Variants in ANKRD44 observed in about 807,000 individuals in gnomAD.
ANKRD44 encodes serine/threonine-protein phosphatase 6 regulatory ankyrin repeat subunit B.
In ANKRD44, 35 loss-of-function variants were observed where a neutral mutation model predicts 116.0. The ratio of observed to expected loss-of-function variants is 0.30; its 90% CI spans 0.23 to 0.40. The LOEUF is 0.40. Among genes scored for constraint, ANKRD44 ranks in the 10% least tolerant of loss-of-function variants. ANKRD44 has a pLI of 1.00. For synonymous variants in ANKRD44, 435 were observed against 461.8 expected (o/e 0.94, Z 0.74); for missense variants, 1,014 against 1,242.6 (o/e 0.82, Z 2.77).
intron 2 of ANKRD44, among the ~76,000 whole-genome samples, chr2:197,158,552 T>C (rs917831607): frequency 1.3e-5 from 2 of 152,072 alleles, no homozygotes; most frequent in Non-Finnish European, 2.9e-5. Flanking sequence ...GATGAAAGGG[T>C]AAAAAGAAGG....
At chr2:197,113,620 C>G (rs1289185610) in intron 8 of ANKRD44, among the ~76,000 whole-genome samples, 3 of 152,140 alleles carry the variant, frequency 2.0e-5, no homozygotes, top group Non-Finnish European at 2.9e-5. Context: ...AAGTTGCAGG[C>G]AGAGAGACAA....
intron 16 of ANKRD44, among the ~76,000 whole-genome samples, chr2:197,036,610 G>A (rs1391251449): frequency 2.0e-5 from 3 of 152,074 alleles, no homozygotes; most frequent in Admixed American, 6.6e-5. Flanking sequence ...TTAAGTTTCC[G>A]TTTCTTCTTG....
intron 12 of ANKRD44, among the ~76,000 whole-genome samples, chr2:197,087,306 G>T (rs185568000): frequency 7.8e-4 from 119 of 152,292 alleles, no homozygotes; most frequent in Non-Finnish European, 1.3e-3. Context: ...TGATGTCATG[G>T]AGCACAGTGA....
chr2:197,005,545 C>A lies in ANKRD44; in HGVS notation c.2347+149G>T, dbSNP rs531526667. 8 of 766,914 alleles carry A rather than the reference C, an allele frequency of 1.0e-5. No individual in the cohort carries two copies. The Admixed American group carries it at 2.3e-4, about 22-fold the overall frequency. The allele number at this position is 766,914 out of a possible 1,614,324, so 47.5% of individuals were successfully genotyped here. A position where few individuals can be genotyped will look rare whatever the true frequency, so the allele number is the denominator to read the frequency against. ...GGAGGGGTGAGAACTATTAAAAAAA[C>A]AAACAAAATACACAAAAAAGATATC... On this transcript the variant is annotated intron_variant, in intron 21 of 27. Transcript: ENST00000282272.
chr2:196,979,162 C>T (rs2075781042), intron 21 of ANKRD44, among the ~76,000 whole-genome samples: 1 of 151,646 alleles, frequency 6.6e-6, no homozygotes, highest in Non-Finnish European at 1.5e-5. Flanking sequence ...TTTGGGAGGC[C>T]GAGGCGGGCG....
At chr2:197,042,010 GA>G (rs201512307) in intron 16 of ANKRD44, among the ~76,000 whole-genome samples, 23 of 148,336 alleles carry the variant, frequency 1.6e-4, no homozygotes, top group East Asian at 5.9e-4. Context: ...GTACATTAAT[GA>G]AAAAAAAACA....
chr2:197,210,953 G>A (rs181759825), intron 1 of ANKRD44, among the ~76,000 whole-genome samples: 3 of 152,220 alleles, frequency 2.0e-5, no homozygotes, highest in African/African-American at 7.2e-5. Flanking sequence ...TCCATCAGTG[G>A]GGTTTACCTG....
In ANKRD44 at chr2:197,007,907, C is replaced by A. The variant is rs185822447; in HGVS notation, c.2029G>T (p.Ala677Ser). The A allele has an allele frequency of 6.1e-4, 978 of 1,613,636 alleles. 17 individuals carry two copies. The highest frequency in any genetic ancestry group is 2.3e-5 in the Non-Finnish European group (27 of 1,179,646). ...GCGTCAATATGTCCATATGCTACTG[C>A]AAGCATCAGTGGTGTTCTAGGCAGA... is the stretch of plus-strand genomic sequence containing the variant. ...DAKGQTPLML[A>S]VAYGHIDAVS... is the part of the protein sequence containing the mutation. The change falls in exon 20 of 28, where the codon GCA becomes TCA. Residue 677 changes from alanine (A) to serine (S), a missense_variant. Transcript: ENST00000282272.
chr2:197,046,967 CTA>C (rs2077013218), intron 16 of ANKRD44, among the ~76,000 whole-genome samples: 1 of 151,504 alleles, frequency 6.6e-6, no homozygotes, highest in African/African-American at 2.4e-5. Context: ...CTTTAGAAGA[CTA>C]TTAAATTTTT....
intron 1 of ANKRD44, among the ~76,000 whole-genome samples, chr2:197,195,030 T>C (rs957105438): frequency 6.6e-5 from 10 of 152,154 alleles, no homozygotes; most frequent in African/African-American, 2.4e-4. Context: ...CCTAATCTTT[T>C]TGGTGCAATC....
chr2:197,136,693 A>G, intron 3 of ANKRD44, 31 bp from the exon 4 acceptor site: 2 of 1,604,686 alleles, frequency 1.2e-6, no homozygotes, highest in East Asian at 4.5e-5. Context: ...TTAGAGGCAT[A>G]ATGGGGTCAA....
At chr2:197,225,029 G>A (rs2125742405) in intron 1 of ANKRD44, among the ~76,000 whole-genome samples, 1 of 152,294 alleles carries the variant, frequency 6.6e-6, no homozygotes, top group South Asian at 2.1e-4. Context: ...TATTGCCAAA[G>A]CTTTTAATGT....
At chr2:196,978,434 C>A (rs1034541330) in intron 21 of ANKRD44, among the ~76,000 whole-genome samples, 1 of 152,124 alleles carries the variant, frequency 6.6e-6, no homozygotes, top group African/African-American at 2.4e-5. Context: ...TCCTTTATAG[C>A]AATGCAAGAA....
chr2:197,007,818 A>C lies in ANKRD44; in HGVS notation c.2118T>G (p.Ala706=), dbSNP rs955965920. The C allele has an allele frequency of 3.7e-6, 6 of 1,611,764 alleles. No homozygotes were observed. In the African/African-American group the frequency reaches 8.0e-5, roughly 22 times the overall value. ...AAGATGTACATACCCCTCTGTGTAA[A>C]GCTGTGCATCCTAGGATGTCAACAG... The part of the protein sequence containing the change: ...VDTVDILGCT[A]LHRGIMTGHE... Residue 706 remains alanine (A), a synonymous_variant, in exon 20 of 28, where the codon GCT becomes GCG. Transcript: ENST00000282272.
At chr2:197,097,206 C>A (rs2078180522) in intron 10 of ANKRD44, among the ~76,000 whole-genome samples, 1 of 151,962 alleles carries the variant, frequency 6.6e-6, no homozygotes, top group Admixed American at 6.6e-5. Context: ...ACCATTGGGT[C>A]CAGCTTATTT....
intron 1 of ANKRD44, among the ~76,000 whole-genome samples, chr2:197,234,231 C>T (rs968310863): frequency 6.7e-6 from 1 of 149,642 alleles, no homozygotes; most frequent in Non-Finnish European, 1.5e-5. Context: ...CTTACTTAGT[C>T]GCCCAGGCTG....
chr2:197,168,215 G>T (rs1302861689), intron 2 of ANKRD44, among the ~76,000 whole-genome samples: 1 of 152,152 alleles, frequency 6.6e-6, no homozygotes, highest in Non-Finnish European at 1.5e-5. Flanking sequence ...ACAGAGAAAA[G>T]CTATCCCACT....
chr2:197,158,248 C>A (rs56262499), intron 2 of ANKRD44, among the ~76,000 whole-genome samples: 1,647 of 152,226 alleles, frequency 0.011, 31 homozygotes, highest in African/African-American at 0.037. Flanking sequence ...CTATGCATGA[C>A]CCCAAGCATA....
At chr2:196,995,079 A>G (rs2075989849) in intron 26 of ANKRD44, 1 of 207,922 alleles carries the variant, frequency 4.8e-6, no homozygotes, top group African/African-American at 2.3e-5. Flanking sequence ...ATGTCAGTCC[A>G]TAAAATTTTT....
Sources: allele counts gnomAD v4.1 joint callset (sites outside exome capture counted in the v4.1 genomes callset), GRCh38; gene constraint gnomAD v4.1.1; transcripts MANE v1.5; gene names NCBI Gene and HGNC (gene_info 2026-07-23, HGNC 2026-07-21).